Variants in FPR2 observed in about 807,000 individuals in gnomAD.
FPR2 encodes formyl peptide receptor 2, also known as N-formyl peptide receptor 2.
In FPR2, 3 loss-of-function variants were observed where a neutral mutation model predicts 4.0. That is an observed-to-expected ratio of 0.74 (90% confidence interval 0.34 to 1.92). The LOEUF is 1.92. FPR2 is among the 30% of genes most tolerant of loss of function. FPR2 has a pLI of 0.07. For missense variants in FPR2, 372 were observed against 435.7 expected (o/e 0.85, Z 1.30); for synonymous variants, 179 against 171.5 (o/e 1.04, Z -0.34).
chr19:51,765,134 A>G (rs2083861559), intron 1 of FPR2, among the ~76,000 whole-genome samples: 1 of 152,186 alleles, frequency 6.6e-6, no homozygotes, highest in Admixed American at 6.5e-5. Flanking sequence ...GCCTGTATCA[A>G]CATTTTAAAA....
At chr19:51,767,587 C>T (rs2083875027) in intron 1 of FPR2, among the ~76,000 whole-genome samples, 1 of 152,066 alleles carries the variant, frequency 6.6e-6, no homozygotes, top group Non-Finnish European at 1.5e-5. Flanking sequence ...GGGTGAGTAA[C>T]TAAACACAAT....
intron 1 of FPR2, 164 bp from the exon 2 acceptor site, chr19:51,768,481 C>A: frequency 1.6e-6 from 1 of 613,692 alleles, no homozygotes; most frequent in Non-Finnish European, 2.9e-6. Context: ...AAGGAGCATC[C>A]AAGAGAATGC....
chr19:51,769,755 C>A lies in FPR2; in HGVS notation c.*41C>A. 1 of 1,528,908 alleles carries A rather than the reference C, an allele frequency of 6.5e-7. No homozygotes were observed. The allele number at this position is 1,528,908 out of a possible 1,614,324, so 94.7% of individuals were successfully genotyped here. On this transcript the variant is annotated 3_prime_UTR_variant, in exon 2 of 2. Coordinates refer to ENST00000340023, the MANE Select transcript of FPR2 (RefSeq NM_001005738.2). This position sits in a 1 kb window ranked among gnomAD's most constrained non-coding sequence, Gnocchi z 4.4. ...TATTTTGAGTTCTGTTCATCCTACC[C>A]TAATGCCAGTTCCAGCTTCATCTAC...
In FPR2 at chr19:51,769,681, A is replaced by C. The variant is rs1214650409; in HGVS notation, c.1023A>C (p.Ser341=). 1 of 1,613,968 alleles carries C rather than the reference A, an allele frequency of 6.2e-7. No homozygotes were observed. The highest frequency in any genetic ancestry group is 1.7e-5 in the Admixed American group (1 of 59,986). Residue 341 remains serine (S), a synonymous_variant, in exon 2 of 2, where the codon TCA becomes TCC. Transcript: ENST00000340023. This position sits in a 1 kb window ranked among gnomAD's most constrained non-coding sequence, Gnocchi z 4.4. ...ATGACACGGCTGCCAATTCTGCTTC[A>C]CCTCCTGCAGAGACTGAGTTACAGG... The part of the protein sequence containing the change: ...PTNDTAANSA[S]PPAETELQAM
intron 1 of FPR2, among the ~76,000 whole-genome samples, chr19:51,765,107 G>A (rs1264779529): frequency 1.3e-5 from 2 of 152,198 alleles, no homozygotes; most frequent in African/African-American, 2.4e-5. Context: ...GATTACAGGC[G>A]TGAGCCACTG....
intron 1 of FPR2, among the ~76,000 whole-genome samples, chr19:51,765,589 G>C (rs2083863678): frequency 2.0e-5 from 3 of 152,138 alleles, no homozygotes; most frequent in Admixed American, 6.6e-5. Context: ...AAAAGCTCTT[G>C]GTGTGTGGGT....
intron 1 of FPR2, among the ~76,000 whole-genome samples, chr19:51,762,027 G>A (rs1403902502): frequency 6.6e-6 from 1 of 150,646 alleles, no homozygotes; most frequent in East Asian, 2.0e-4. Context: ...ATAAGGATAA[G>A]TTAGAAGTTT....
At chr19:51,765,753 T>G (rs2083864570) in intron 1 of FPR2, among the ~76,000 whole-genome samples, 1 of 152,194 alleles carries the variant, frequency 6.6e-6, no homozygotes, top group South Asian at 2.1e-4. Flanking sequence ...GCCTAAAAGA[T>G]TTCCACATCT....
At chr19:51,768,427 T>C in intron 1 of FPR2, 2 of 517,806 alleles carry the variant, frequency 3.9e-6, no homozygotes, top group Non-Finnish European at 6.9e-6. Flanking sequence ...ATAAGCGAAA[T>C]GCATATTGAT....
intron 1 of FPR2, chr19:51,763,061 A>G (rs1344850872): frequency 1.3e-5 from 2 of 152,240 alleles, no homozygotes; most frequent in South Asian, 2.1e-4. Flanking sequence ...TGAAATGTCT[A>G]CGGGACTCCC....
intron 1 of FPR2, among the ~76,000 whole-genome samples, chr19:51,766,129 C>A (rs2122359243): frequency 6.6e-6 from 1 of 152,238 alleles, no homozygotes; most frequent in Non-Finnish European, 1.5e-5. Flanking sequence ...CCGTATTGCC[C>A]AGGGTGGTCT....
rs752040298 is a variant in FPR2 at position 51,769,175 on chromosome 19, G to A, written c.517G>A (p.Asp173Asn). Residue 173 changes from aspartate (D) to asparagine (N), a missense_variant, in exon 2 of 2, where the codon GAC becomes AAC. Physicochemically the swap from Asp to Asn is conservative, Grantham distance 23. Transcript: ENST00000340023. The surrounding 1 kb of genome is among the most constrained non-coding windows in gnomAD (Gnocchi z 4.4). ...GACTACAGTAACTATTCCAAATGGG[G>A]ACACATACTGTACTTTCAACTTTGC... ...FLTTVTIPNG[D>N]TYCTFNFASW... 2 of 1,614,068 alleles carry A rather than the reference G, an allele frequency of 1.2e-6. No homozygotes were observed. The highest frequency in any genetic ancestry group is 2.7e-5 in the African/African-American group (2 of 74,914).
At position 51,769,637 on chromosome 19, in the gene FPR2, G is replaced by A; in HGVS notation, c.979G>A (p.Glu327Lys). ...LPTSLERALS[E>K]DSAPTNDTAA... ...CACCAGTCTGGAGAGGGCCCTGTCT[G>A]AGGACTCAGCCCCAACTAATGACAC... The change falls in exon 2 of 2, where the codon GAG becomes AAG. Residue 327 changes from glutamate to lysine, a missense_variant. Glu to Lys is a moderately conservative substitution (Grantham distance 56, BLOSUM62 1). Transcript: ENST00000340023. The surrounding 1 kb of genome is among the most constrained non-coding windows in gnomAD (Gnocchi z 4.4). The A allele has an allele frequency of 6.2e-7, 1 of 1,614,172 alleles. No individual in the cohort carries two copies. The highest frequency in any genetic ancestry group is 1.1e-5 in the South Asian group (1 of 91,084).
Position 51,768,778 on chromosome 19 carries a change from G to A in FPR2, c.120G>A (p.Gly40=). ...LVVLGVTFVL[G]VLGNGLVIWV... ...TGCTTGGGGTCACCTTTGTCCTCGG[G>A]GTCCTGGGCAATGGGCTTGTGATCT... The change falls in exon 2 of 2, where the codon GGG becomes GGA. Residue 40 remains glycine, a synonymous_variant. Coordinates refer to ENST00000340023, the MANE Select transcript of FPR2 (RefSeq NM_001005738.2). 6.2e-7 allele frequency: 1 copy of A among 1,614,102 alleles called. No homozygotes were observed. Among genetic ancestry groups the A allele is most frequent in the Middle Eastern group, 1.6e-4 (1 of 6,062 alleles).
intron 1 of FPR2, among the ~76,000 whole-genome samples, chr19:51,766,831 T>C (rs2083870998): frequency 6.6e-6 from 1 of 152,244 alleles, no homozygotes; most frequent in South Asian, 2.1e-4. Context: ...AGATGCTGAA[T>C]AGCCCAGTCT....
chr19:51,767,500 T>C (rs1402256928), intron 1 of FPR2, among the ~76,000 whole-genome samples: 1 of 152,150 alleles, frequency 6.6e-6, no homozygotes, highest in Non-Finnish European at 1.5e-5. Context: ...CCTTGCAAAG[T>C]AAAAGGGATT....
rs200923071 is a variant in FPR2, at chr19:51,769,245, C to G, written c.587C>G (p.Thr196Ser). The change falls in exon 2 of 2, where the codon ACC becomes AGC. Residue 196 changes from threonine (T) to serine (S), a missense_variant. Physicochemically the swap from Thr to Ser is moderately conservative, Grantham distance 58. Transcript: ENST00000340023. This position sits in a 1 kb window ranked among gnomAD's most constrained non-coding sequence, Gnocchi z 4.4. ...TPEERLKVAI[T>S]MLTARGIIRF... ...GAGGAGAGGCTGAAGGTGGCCATTACCATGCTGACAGCCAGAGGGATTATC... is the reference window on the plus strand; with the variant it reads ...GAGGAGAGGCTGAAGGTGGCCATTAGCATGCTGACAGCCAGAGGGATTATC... The G allele has an allele frequency of 1.2e-6, 2 of 1,614,216 alleles. No individual in the cohort carries two copies. Among genetic ancestry groups the G allele is most frequent in the East Asian group, 2.2e-5 (1 of 44,886 alleles).
chr19:51,761,769 G>C (rs2083839840), intron 1 of FPR2, among the ~76,000 whole-genome samples: 1 of 152,138 alleles, frequency 6.6e-6, no homozygotes, highest in Non-Finnish European at 1.5e-5. Flanking sequence ...CTCCAGCCTG[G>C]GCAAGAAGAG....
Position 51,769,420 on chromosome 19 carries a change from G to C in FPR2, c.762G>C (p.Trp254Cys). 1 of 1,614,192 alleles carries C rather than the reference G, an allele frequency of 6.2e-7. No homozygotes were observed. Among genetic ancestry groups the C allele is most frequent in the Non-Finnish European group, 8.5e-7 (1 of 1,180,034 alleles). ...TAVVASFFIC[W>C]FPFQLVALLG... ...TGGTGGCTTCTTTCTTCATCTGTTGGTTTCCCTTTCAACTGGTTGCCCTTC... is the reference window on the plus strand; with the variant it reads ...TGGTGGCTTCTTTCTTCATCTGTTGCTTTCCCTTTCAACTGGTTGCCCTTC... Residue 254 changes from tryptophan (W) to cysteine (C), a missense_variant, in exon 2 of 2, where the codon TGG becomes TGC. Coordinates refer to ENST00000340023, the MANE Select transcript of FPR2 (RefSeq NM_001005738.2). This position sits in a 1 kb window ranked among gnomAD's most constrained non-coding sequence, Gnocchi z 4.4.
Sources: gnomAD v4.1 joint callset for allele counts (sites outside exome capture counted in the v4.1 genomes callset) on GRCh38, gnomAD v4.1.1 for gene constraint, Gnocchi (gnomAD v3.1) non-coding constraint, MANE v1.5 for transcripts, NCBI Gene and HGNC (gene_info 2026-07-23, HGNC 2026-07-21) for gene names.